Variants in GLYAT observed in about 807,000 individuals in gnomAD.
GLYAT encodes the protein glycine N-acyltransferase.
GLYAT carries 25 observed loss-of-function variants against 22.8 expected under a neutral mutation model. That is an observed-to-expected ratio of 1.09 (90% confidence interval 0.80 to 1.53). The LOEUF is 1.53. Among genes scored for constraint, GLYAT ranks in the 40% most tolerant of loss-of-function variants. The pLI, the probability that GLYAT is intolerant of heterozygous loss-of-function variation, is 0.00. For synonymous variants in GLYAT, 140 were observed against 122.7 expected, an observed-to-expected ratio of 1.14 and a Z score of -0.93; for missense variants, 411 against 353.9, an observed-to-expected ratio of 1.16 and a Z score of -1.29.
At chr11:58,726,111 G>C (rs552280103) in intron 1 of GLYAT, among the ~76,000 whole-genome samples, 19 of 152,000 alleles carry the variant, frequency 1.3e-4, no homozygotes, top group Non-Finnish European at 1.8e-4. Flanking sequence ...GCTGGCACTG[G>C]CTGTGACCAA....
At chr11:58,721,442 A>G (rs1856748649) in intron 2 of GLYAT, among the ~76,000 whole-genome samples, 1 of 152,038 alleles carries the variant, frequency 6.6e-6, no homozygotes, top group Admixed American at 6.6e-5. Flanking sequence ...AAATCAGGTG[A>G]AAACAGAATT....
intron 1 of GLYAT, among the ~76,000 whole-genome samples, chr11:58,726,274 A>T (rs549871959): frequency 6.6e-6 from 1 of 152,100 alleles, no homozygotes; most frequent in Non-Finnish European, 1.5e-5. Flanking sequence ...CCATGAGTTC[A>T]AGACCCCAAT....
intron 2 of GLYAT, among the ~76,000 whole-genome samples, chr11:58,716,811 C>T (rs756007617): frequency 4.6e-5 from 7 of 151,972 alleles, no homozygotes; most frequent in Non-Finnish European, 1.0e-4. Flanking sequence ...CGACACATGC[C>T]CAAGGTGGCT....
At chr11:58,715,763 A>G (rs1856672356) in intron 2 of GLYAT, among the ~76,000 whole-genome samples, 1 of 152,186 alleles carries the variant, frequency 6.6e-6, no homozygotes, top group African/African-American at 2.4e-5. Context: ...ATAATTTTCA[A>G]TTACTTTTAA....
At chr11:58,729,422 A>G (rs902106617) in intron 1 of GLYAT, among the ~76,000 whole-genome samples, 2 of 152,190 alleles carry the variant, frequency 1.3e-5, no homozygotes, top group Non-Finnish European at 2.9e-5. Flanking sequence ...ATTGATAAAT[A>G]TCGTATATAT....
Position 58,709,732 on chromosome 11 carries a change from C to A in GLYAT, c.*34G>T. The A allele has an allele frequency of 1.3e-6, 2 of 1,571,170 alleles. No homozygotes were observed. On this transcript the variant is annotated 3_prime_UTR_variant, in exon 6 of 6. Transcript: ENST00000344743. ...CCACTCCTCAAATTATACGCCCAGACCTGCCCAACACTGTCTTATGTTCAG... is the reference window on the plus strand; with the variant it reads ...CCACTCCTCAAATTATACGCCCAGAACTGCCCAACACTGTCTTATGTTCAG...
At chr11:58,721,657 T>TA (rs1856751921) in intron 2 of GLYAT, among the ~76,000 whole-genome samples, 1 of 152,156 alleles carries the variant, frequency 6.6e-6, no homozygotes, top group African/African-American at 2.4e-5. Context: ...TTAATTTTTT[T>TA]AAAAAAATCT....
chr11:58,728,889 A>AGAAAGAAAGAAAGAAAGAAGGAAGGAGG (rs1310407303), intron 1 of GLYAT, among the ~76,000 whole-genome samples: 15 of 101,308 alleles, frequency 1.5e-4, no homozygotes, highest in African/African-American at 6.2e-4. Context: ...AAAGAAAGAA[A>AGAAAGAAAGAAAGAAAGAAGGAAGGAGG]GAAGGAAGGA....
At chr11:58,711,924 G>A (rs938408751) in intron 4 of GLYAT, among the ~76,000 whole-genome samples, 3 of 152,156 alleles carry the variant, frequency 2.0e-5, no homozygotes, top group Non-Finnish European at 2.9e-5. Context: ...ATTAAGATAG[G>A]CCTGGGCCAG....
At chr11:58,729,640 T>C (rs1856851228) in intron 1 of GLYAT, among the ~76,000 whole-genome samples, 1 of 152,144 alleles carries the variant, frequency 6.6e-6, no homozygotes, top group Non-Finnish European at 1.5e-5. Context: ...ATCACTCCAC[T>C]TTCCAAAAGT....
At chr11:58,724,837 G>C (rs1856795887) in intron 1 of GLYAT, among the ~76,000 whole-genome samples, 2 of 152,090 alleles carry the variant, frequency 1.3e-5, no homozygotes, top group Admixed American at 6.6e-5. Flanking sequence ...AACGAGCTGT[G>C]TAACCTTGGG....
chr11:58,718,595 A>C (rs1289493743), intron 2 of GLYAT, among the ~76,000 whole-genome samples: 2 of 152,018 alleles, frequency 1.3e-5, no homozygotes, highest in African/African-American at 4.8e-5. Flanking sequence ...AAAGAGGACC[A>C]ACACAAGGCA....
chr11:58,717,778 T>A (rs1299515120), intron 2 of GLYAT, among the ~76,000 whole-genome samples: 1 of 152,086 alleles, frequency 6.6e-6, no homozygotes, highest in Non-Finnish European at 1.5e-5. Flanking sequence ...GTTTGCTTTA[T>A]TATACTTGGC....
chr11:58,711,091 A>C (rs1856611123), intron 4 of GLYAT, among the ~76,000 whole-genome samples: 1 of 152,198 alleles, frequency 6.6e-6, no homozygotes, highest in African/African-American at 2.4e-5. Context: ...TTTAGCCTAA[A>C]TATTTACCCT....
In GLYAT at chr11:58,710,146, A is replaced by G. The variant is rs767050602; in HGVS notation, c.511T>C (p.Ser171Pro). The change falls in exon 6 of 6, where the codon TCA (serine) becomes CCA (proline). Residue 171 changes from serine to proline, a missense_variant. Coordinates refer to ENST00000344743, the MANE Select transcript of GLYAT (RefSeq NM_201648.3). ...TGAGCATGGGTAACATCCATGGATG[A>G]GAGTTTAAACATCTCTTGGTTGCTA... ...KAINQEMFKL[S>P]SMDVTHAHLV... 3.7e-6 allele frequency: 6 copies of G among 1,613,478 alleles called. No homozygotes were observed. The highest frequency in any genetic ancestry group is 5.1e-6 in the Non-Finnish European group (6 of 1,179,578).
Position 58,712,845 on chromosome 11 carries a change from T to A in GLYAT, c.231A>T (p.Gln77His). The A allele has an allele frequency of 1.2e-6, 2 of 1,606,816 alleles. No individual in the cohort carries two copies. Among genetic ancestry groups the A allele is most frequent in the Non-Finnish European group, 1.7e-6 (2 of 1,173,460 alleles). ...DDLDHYTNTYQIYSKDPQNCQ... is the reference protein window; with the variant it reads ...DDLDHYTNTYHIYSKDPQNCQ... ...AGTTTTGGGGATCTTTGGAGTAGAT[T>A]TGGTAAGTATTGGTATAGTGATCAA... Residue 77 changes from glutamine to histidine, a missense_variant, in exon 4 of 6, where the codon CAA (glutamine) becomes CAT (histidine). Transcript: ENST00000344743.
chr11:58,731,011 A>G (rs1406871883), intron 1 of GLYAT, among the ~76,000 whole-genome samples: 1 of 152,194 alleles, frequency 6.6e-6, no homozygotes, highest in Non-Finnish European at 1.5e-5. Flanking sequence ...CATACAACAC[A>G]TAAAGTTCAA....
At chr11:58,716,692 C>G (rs867211621) in intron 2 of GLYAT, among the ~76,000 whole-genome samples, 2 of 151,928 alleles carry the variant, frequency 1.3e-5, no homozygotes, top group South Asian at 2.1e-4. Context: ...CTACTGGACC[C>G]CAAACCTAGT....
At chr11:58,719,454 C>A (rs1856722852) in intron 2 of GLYAT, among the ~76,000 whole-genome samples, 1 of 151,908 alleles carries the variant, frequency 6.6e-6, no homozygotes, top group Non-Finnish European at 1.5e-5. Flanking sequence ...CCACAGGGGT[C>A]TATATGCTGG....
Sources: gnomAD v4.1 joint callset for allele counts (sites outside exome capture counted in the v4.1 genomes callset) on GRCh38, gnomAD v4.1.1 for gene constraint, MANE v1.5 for transcripts, NCBI Gene and HGNC (gene_info 2026-07-23, HGNC 2026-07-21) for gene names.